The following SGCD variants were observed in gnomAD, a reference collection of about 807,000 sequenced individuals.
SGCD encodes delta-sarcoglycan.
SGCD carries 18 observed loss-of-function variants against 36.6 expected under a neutral mutation model. The observed-to-expected ratio is 0.49, with a 90% CI of 0.34 to 0.73. SGCD has a LOEUF of 0.73. SGCD is among the 30% of genes least tolerant of loss of function. The pLI, the probability that SGCD is intolerant of heterozygous loss-of-function variation, is 0.01. For missense variants in SGCD, 387 were observed against 346.7 expected (o/e 1.12, Z -0.92); for synonymous variants, 133 against 130.6 (o/e 1.02, Z -0.12).
chr5:156,613,060 G>C (rs751208077), intron 6 of SGCD, among the ~76,000 whole-genome samples: 1 of 152,188 alleles, frequency 6.6e-6, no homozygotes, highest in Non-Finnish European at 1.5e-5. Flanking sequence ...TGTGGCAGAG[G>C]TACGGTGCTT....
intron 3 of SGCD, among the ~76,000 whole-genome samples, chr5:156,171,320 C>T (rs1336271842): frequency 6.6e-6 from 1 of 152,156 alleles, no homozygotes; most frequent in Non-Finnish European, 1.5e-5. Flanking sequence ...TAAAGTGGAT[C>T]CATCTACATT....
intron 4 of SGCD, among the ~76,000 whole-genome samples, chr5:156,588,892 C>G (rs1403526320): frequency 6.6e-6 from 1 of 151,670 alleles, no homozygotes; most frequent in East Asian, 1.9e-4. Context: ...TTCTGTATAC[C>G]AAGACTAATA....
chr5:156,297,017 T>C (rs981108565), intron 3 of SGCD, among the ~76,000 whole-genome samples: 1 of 148,016 alleles, frequency 6.8e-6, no homozygotes, highest in Non-Finnish European at 1.5e-5. Flanking sequence ...ATTTTATGTG[T>C]GTATAGCATA....
intron 4 of SGCD, among the ~76,000 whole-genome samples, chr5:156,584,341 C>A (rs1476857713): frequency 6.6e-6 from 1 of 152,166 alleles, no homozygotes; most frequent in Non-Finnish European, 1.5e-5. Flanking sequence ...TCACTGCAAA[C>A]GTTGAGACTG....
chr5:156,069,236 C>T (rs1320241574), intron 1 of SGCD, among the ~76,000 whole-genome samples: 2 of 152,058 alleles, frequency 1.3e-5, no homozygotes, highest in African/African-American at 4.8e-5. Flanking sequence ...AGGTTTTCTT[C>T]TAGGGTTTTT....
Position 155,925,394 on chromosome 5 carries a change from G to A in SGCD, c.-282+54970G>A, listed in dbSNP as rs75738475. Among the ~76,000 whole-genome samples, 89 of 152,282 alleles carry A rather than the reference G, an allele frequency of 5.8e-4. No homozygotes were observed. The East Asian group carries it at 0.016, about 27-fold the overall frequency. ...GTTCTGGAGGCCAGACATGTGAAATGAAAGTGCCAGCCAAGGCCACATTCT... is the reference window on the plus strand; with the variant it reads ...GTTCTGGAGGCCAGACATGTGAAATAAAAGTGCCAGCCAAGGCCACATTCT... On this transcript the variant is annotated intron_variant, in intron 1 of 9. Coordinates refer to the SGCD transcript ENST00000517913.
chr5:156,085,378 C>A (rs1370083894), intron 1 of SGCD, among the ~76,000 whole-genome samples: 6 of 152,078 alleles, frequency 3.9e-5, no homozygotes, highest in African/African-American at 1.4e-4. Context: ...GTCAGGAGAT[C>A]TGGTTGTTTT....
At chr5:156,525,057 T>C (rs1239537662) in intron 4 of SGCD, among the ~76,000 whole-genome samples, 1 of 152,120 alleles carries the variant, frequency 6.6e-6, no homozygotes, top group African/African-American at 2.4e-5. Flanking sequence ...CTCTTTAAGA[T>C]AATGATTTTC....
In SGCD at chr5:156,375,796, A is replaced by G. The variant is rs533076060; in HGVS notation, c.192+31119A>G. Among the ~76,000 whole-genome samples, 13 of 152,308 alleles carry G rather than the reference A, an allele frequency of 8.5e-5. No homozygotes were observed. The South Asian group carries it at 2.1e-3, about 24-fold the overall frequency. On this transcript the variant is annotated intron_variant, in intron 3 of 8. Coordinates refer to ENST00000337851, the MANE Select transcript of SGCD (RefSeq NM_000337.6). Reference sequence around the variant, plus strand: ...CTCAAATTCTCTAAGTTAATTGACTATAGCGCATCCTACTGAAGCCCTCAT... The same window carrying G: ...CTCAAATTCTCTAAGTTAATTGACTGTAGCGCATCCTACTGAAGCCCTCAT...
the SGCD span, among the ~76,000 whole-genome samples, chr5:155,853,338 G>GA: frequency 7.9e-5 from 12 of 151,898 alleles, no homozygotes; most frequent in South Asian, 1.9e-3. Flanking sequence ...AATTTCAGTA[G>GA]AAAAAATGGA....
chr5:155,738,207 T>G, the SGCD span, among the ~76,000 whole-genome samples: 1 of 152,164 alleles, frequency 6.6e-6, no homozygotes, highest in Non-Finnish European at 1.5e-5. Flanking sequence ...CTACTTGAAC[T>G]GGGGGCAGAA....
intron 3 of SGCD, among the ~76,000 whole-genome samples, chr5:156,440,831 A>G (rs1753457724): frequency 6.6e-6 from 1 of 152,022 alleles, no homozygotes; most frequent in South Asian, 2.1e-4. Flanking sequence ...AAGTTGTAAG[A>G]ATTCTTTATA....
Position 156,065,495 on chromosome 5 carries a change from G to A in SGCD, c.-281-52383G>A, listed in dbSNP as rs1269671708. Among the ~76,000 whole-genome samples, 8 of 89,380 alleles carry A rather than the reference G, an allele frequency of 9.0e-5. No homozygotes were observed. In the South Asian group the frequency reaches 1.8e-3, roughly 20 times the overall value. 58.6% of individuals were successfully genotyped at this position (89,380 alleles called of 152,430 possible). On this transcript the variant is annotated intron_variant, in intron 1 of 9. Transcript: ENST00000517913. ...AGTTCAATTCCTGGGTATCCTTGTTGACTTTCTGTCTCGTTGATCTGTCTA... is the reference window on the plus strand; with the variant it reads ...AGTTCAATTCCTGGGTATCCTTGTTAACTTTCTGTCTCGTTGATCTGTCTA...
chr5:156,326,436 C>A (rs1344421142), upstream of SGCD, among the ~76,000 whole-genome samples: 1 of 152,194 alleles, frequency 6.6e-6, no homozygotes, highest in African/African-American at 2.4e-5. Flanking sequence ...TGTTGCAGAA[C>A]AGAGAGCAAC....
chr5:156,717,367 A>C (rs750684558), intron 7 of SGCD, among the ~76,000 whole-genome samples: 6 of 152,012 alleles, frequency 3.9e-5, no homozygotes, highest in Non-Finnish European at 7.4e-5. Flanking sequence ...TACATCCTAC[A>C]CTGTCATTCT....
intron 1 of SGCD, among the ~76,000 whole-genome samples, chr5:155,913,418 G>A (rs866717115): frequency 1.7e-4 from 26 of 152,214 alleles, no homozygotes; most frequent in Middle Eastern, 6.8e-3. Flanking sequence ...TTTAGACCAG[G>A]TTCCTATTAT....
At chr5:155,888,902 GC>G (rs1446458189) in intron 1 of SGCD, among the ~76,000 whole-genome samples, 3 of 152,100 alleles carry the variant, frequency 2.0e-5, no homozygotes, top group African/African-American at 7.2e-5. Context: ...CTATGGCTTT[GC>G]TCTGACAATT....
chr5:156,272,596 G>A (rs1326334448), intron 3 of SGCD, among the ~76,000 whole-genome samples: 2 of 152,214 alleles, frequency 1.3e-5, no homozygotes, highest in Admixed American at 6.6e-5. Context: ...CATAGGAAAA[G>A]CATAGGCACT....
At chr5:155,739,870 A>G in the SGCD span, among the ~76,000 whole-genome samples, 3 of 152,108 alleles carry the variant, frequency 2.0e-5, no homozygotes, top group South Asian at 6.2e-4. Context: ...TTATATTTAA[A>G]CTTATAGATT....
Sources: allele counts gnomAD v4.1 joint callset (sites outside exome capture counted in the v4.1 genomes callset), GRCh38; gene constraint gnomAD v4.1.1; transcripts MANE v1.5; gene names NCBI Gene and HGNC (gene_info 2026-07-23, HGNC 2026-07-21).